The following RNF2 variants were observed in gnomAD, a reference collection of about 807,000 sequenced individuals.
RNF2 encodes ring finger protein 2.
RNF2 carries 6 observed loss-of-function variants against 37.2 expected under a neutral mutation model. The ratio of observed to expected loss-of-function variants is 0.16; its 90% CI spans 0.09 to 0.32. The LOEUF is 0.32. Ranked by LOEUF, RNF2 falls within the 10% of genes least tolerant of loss-of-function variation. The probability of loss-of-function intolerance (pLI) is 1.00; values close to 1 mark genes in which losing one functional copy is unlikely to be tolerated. For synonymous variants in RNF2, 133 were observed against 132.7 expected (o/e 1.00, Z -0.02); for missense variants, 251 against 404.0 (o/e 0.62, Z 3.25).
In RNF2 at chr1:185,094,864, T is replaced by A. The variant is rs540864568; in HGVS notation, c.464+1588T>A. Among the ~76,000 whole-genome samples, 13 of 152,306 alleles carry A rather than the reference T, an allele frequency of 8.5e-5. No homozygotes were observed. The South Asian group carries it at 2.7e-3, about 32-fold the overall frequency. On this transcript the variant is annotated intron_variant, in intron 4 of 6. Coordinates refer to ENST00000367510, the MANE Select transcript of RNF2 (RefSeq NM_007212.4). ...AATCATTATTTTCCATAGAAGGAGA[T>A]AATAGTAAAGTCCATCTCAGTCTAG...
chr1:185,069,211 GCAAGGC>G (rs1650891949), intron 1 of RNF2, among the ~76,000 whole-genome samples: 1 of 152,104 alleles, frequency 6.6e-6, no homozygotes, highest in South Asian at 2.1e-4. Flanking sequence ...CCAGCACTTT[GCAAGGC>G]CAAGGTTGGC....
At chr1:185,045,803 C>T (rs1290702169) in intron 1 of RNF2, among the ~76,000 whole-genome samples, 154 bp downstream of exon 1, 1 of 152,128 alleles carries the variant, frequency 6.6e-6, no homozygotes, top group African/African-American at 2.4e-5. Context: ...CGCCGCCGCC[C>T]CCGGCCGCTC....
At chr1:185,073,950 A>G (rs1316572491) in intron 1 of RNF2, among the ~76,000 whole-genome samples, 1 of 152,220 alleles carries the variant, frequency 6.6e-6, no homozygotes, top group Non-Finnish European at 1.5e-5. Context: ...GACTGCCTCC[A>G]CTTCAGATGC....
At chr1:185,065,815 A>G (rs747352439) in intron 1 of RNF2, among the ~76,000 whole-genome samples, 68 of 152,220 alleles carry the variant, frequency 4.5e-4, no homozygotes, top group Non-Finnish European at 4.3e-4. Flanking sequence ...GTCATCTACA[A>G]AGATACTGTT....
At chr1:185,063,235 C>T (rs765200035) in intron 1 of RNF2, among the ~76,000 whole-genome samples, 2 of 152,086 alleles carry the variant, frequency 1.3e-5, no homozygotes, top group Non-Finnish European at 2.9e-5. Context: ...ACACAGAATA[C>T]GTAGAATAGT....
intron 1 of RNF2, among the ~76,000 whole-genome samples, chr1:185,052,224 C>G (rs2102151110): frequency 6.6e-6 from 1 of 152,298 alleles, no homozygotes; most frequent in South Asian, 2.1e-4. Context: ...TACCACTAAA[C>G]CGGAGGTATC....
At position 185,098,207 on chromosome 1, in the gene RNF2, T is replaced by C; in HGVS notation, c.600T>C (p.Ser200=). The C allele has an allele frequency of 6.2e-7, 1 of 1,614,182 alleles. No individual in the cohort carries two copies. The highest frequency in any genetic ancestry group is 1.1e-5 in the South Asian group (1 of 91,088). ...CTAGTAACAAACGGACCAAAACATCTGATGATTCTGGGCTAGAGCTTGATA... is the reference window on the plus strand; with the variant it reads ...CTAGTAACAAACGGACCAAAACATCCGATGATTCTGGGCTAGAGCTTGATA... ...AGPSNKRTKT[S]DDSGLELDNN... Residue 200 remains serine, a synonymous_variant, in exon 5 of 7, where the codon TCT becomes TCC. Coordinates refer to ENST00000367510, the MANE Select transcript of RNF2 (RefSeq NM_007212.4).
At chr1:185,085,145 CTTTTT>C (rs71555455) in intron 1 of RNF2, among the ~76,000 whole-genome samples, 126 of 103,206 alleles carry the variant, frequency 1.2e-3, no homozygotes, top group Non-Finnish European at 1.8e-3. Flanking sequence ...CTTTCTTTTT[CTTTTT>C]TTTTTTTTTT....
At chr1:185,076,417 A>C (rs1197159907) in intron 1 of RNF2, among the ~76,000 whole-genome samples, 1 of 148,758 alleles carries the variant, frequency 6.7e-6, no homozygotes, top group Admixed American at 6.7e-5. Context: ...CAGACTCCCA[A>C]GTAGCTGGGA....
Position 185,098,221 on chromosome 1 carries a change from T to A in RNF2, c.614T>A (p.Leu205Gln). 6.2e-7 allele frequency: 1 copy of A among 1,614,204 alleles called. No individual in the cohort carries two copies. The highest frequency in any genetic ancestry group is 8.5e-7 in the Non-Finnish European group (1 of 1,180,028). ...ACCAAAACATCTGATGATTCTGGGC[T>A]AGAGCTTGATAATAACAATGCAGCA... is the stretch of plus-strand genomic sequence containing the variant. ...KRTKTSDDSG[L>Q]ELDNNNAAMA... The change falls in exon 5 of 7, where the codon CTA becomes CAA. Residue 205 changes from leucine to glutamine, a missense_variant. Coordinates refer to ENST00000367510, the MANE Select transcript of RNF2 (RefSeq NM_007212.4).
At chr1:185,074,603 C>T (rs1229990092) in intron 1 of RNF2, among the ~76,000 whole-genome samples, 4 of 150,036 alleles carry the variant, frequency 2.7e-5, no homozygotes, top group Admixed American at 1.3e-4. Flanking sequence ...AGACCAAATA[C>T]AAAGAAAAAA....
At chr1:185,079,653 C>A (rs879456602) in intron 1 of RNF2, among the ~76,000 whole-genome samples, 1 of 152,002 alleles carries the variant, frequency 6.6e-6, no homozygotes, top group Non-Finnish European at 1.5e-5. Flanking sequence ...TTGTGGGCTG[C>A]TTGTGGTGGC....
At chr1:185,055,147 C>T (rs1650396396) in intron 1 of RNF2, among the ~76,000 whole-genome samples, 2 of 152,278 alleles carry the variant, frequency 1.3e-5, no homozygotes, top group South Asian at 2.1e-4. Flanking sequence ...CTCTGCAGAT[C>T]GAGTATCCCT....
At position 185,101,261 on chromosome 1, in the gene RNF2, CAG is replaced by C. The variant is rs1412051365; in HGVS notation, c.*962_*963del. 1 of 152,452 alleles carries C rather than the reference CAG, an allele frequency of 6.6e-6. No homozygotes were observed. The highest frequency in any genetic ancestry group is 1.5e-5 in the Non-Finnish European group (1 of 67,956). 9.4% of individuals were successfully genotyped at this position (152,452 alleles called of 1,614,324 possible). On this transcript the variant is annotated 3_prime_UTR_variant, in exon 7 of 7. Coordinates refer to ENST00000367510, the MANE Select transcript of RNF2 (RefSeq NM_007212.4). ...TAAGTTTCAAGAATAACATGGCACACAGAACAATGGAAAAAAGTTTGTTTCCA... is the reference window on the plus strand; with the variant it reads ...TAAGTTTCAAGAATAACATGGCACACAACAATGGAAAAAAGTTTGTTTCCA...
At chr1:185,097,800 G>A (rs1378665848) in intron 4 of RNF2, among the ~76,000 whole-genome samples, 3 of 152,218 alleles carry the variant, frequency 2.0e-5, no homozygotes, top group African/African-American at 7.2e-5. Context: ...CTCTCAATGT[G>A]TTGGGTTTAC....
At chr1:185,062,541 T>TA (rs1031646499) in intron 1 of RNF2, among the ~76,000 whole-genome samples, 14 of 151,272 alleles carry the variant, frequency 9.3e-5, no homozygotes, top group South Asian at 2.1e-4. Context: ...TCTTTACATG[T>TA]AAAAAAAAAT....
chr1:185,048,391 C>T (rs1450735161), intron 1 of RNF2, among the ~76,000 whole-genome samples: 4 of 152,080 alleles, frequency 2.6e-5, no homozygotes, highest in African/African-American at 9.7e-5. Flanking sequence ...GTTGGATGCT[C>T]AAGGAGCTAT....
Position 185,100,382 on chromosome 1 carries a change from T to C in RNF2, c.*81T>C. ...TAAAGATGTACTGGCATTACTTTTA[T>C]GGACAGATCTTGGATATGTTGTTCA... On this transcript the variant is annotated 3_prime_UTR_variant, in exon 7 of 7. Coordinates refer to ENST00000367510, the MANE Select transcript of RNF2 (RefSeq NM_007212.4). The C allele has an allele frequency of 2.3e-6, 2 of 861,880 alleles. No individual in the cohort carries two copies. The highest frequency in any genetic ancestry group is 2.6e-5 in the East Asian group (1 of 39,062). The allele number at this position is 861,880 out of a possible 1,614,324, so 53.4% of individuals were successfully genotyped here.
chr1:185,063,731 G>T (rs1249912529), intron 1 of RNF2, among the ~76,000 whole-genome samples: 1 of 152,144 alleles, frequency 6.6e-6, no homozygotes, highest in Admixed American at 6.5e-5. Context: ...GTCTCTAGGG[G>T]AGAATTCATT....
Sources: gnomAD v4.1 joint callset for allele counts (sites outside exome capture counted in the v4.1 genomes callset) on GRCh38, gnomAD v4.1.1 for gene constraint, MANE v1.5 for transcripts, NCBI Gene and HGNC (gene_info 2026-07-23, HGNC 2026-07-21) for gene names.